CDH12: variants seen among roughly 807,000 people sequenced by gnomAD.
CDH12 encodes the protein cadherin 12, also known as cadherin-12.
A neutral mutation model predicts 74.1 loss-of-function variants in CDH12; 41 were observed. The ratio of observed to expected loss-of-function variants is 0.55; its 90% CI spans 0.43 to 0.72. The LOEUF is 0.72. Ranked by LOEUF, CDH12 falls within the 30% of genes least tolerant of loss-of-function variation. The pLI, the probability that CDH12 is intolerant of heterozygous loss-of-function variation, is 0.00. For missense variants in CDH12, 945 were observed against 977.2 expected (o/e 0.97, Z 0.44); for synonymous variants, 399 against 355.0 (o/e 1.12, Z -1.39).
chr5:21,776,426 T>C (rs1293334671), intron 11 of CDH12, among the ~76,000 whole-genome samples: 3 of 151,984 alleles, frequency 2.0e-5, no homozygotes, highest in Admixed American at 1.3e-4. Flanking sequence ...AAAGAGTAGG[T>C]TTTTCTTCTA....
intron 5 of CDH12, among the ~76,000 whole-genome samples, chr5:22,011,915 CA>C (rs201885524): frequency 0.024 from 3,690 of 152,034 alleles, 64 homozygotes; most frequent in Non-Finnish European, 0.034. Context: ...GATTGGAAAA[CA>C]AAGCTGTTTC....
intron 6 of CDH12, among the ~76,000 whole-genome samples, chr5:21,914,245 T>G (rs889680895): frequency 2.0e-5 from 3 of 152,186 alleles, no homozygotes; most frequent in Non-Finnish European, 4.4e-5. Flanking sequence ...ATATTTGCTA[T>G]TCATCTTCTA....
intron 6 of CDH12, chr5:21,883,739 T>G: frequency 6.3e-7 from 1 of 1,590,390 alleles, no homozygotes; most frequent in Non-Finnish European, 8.6e-7. Flanking sequence ...TCACAACTAG[T>G]GAATATGAAA....
chr5:22,009,939 CAAAAAAAAAA>C (rs774589642), intron 5 of CDH12, among the ~76,000 whole-genome samples: 3 of 54,344 alleles, frequency 5.5e-5, no homozygotes, highest in African/African-American at 1.7e-4. Flanking sequence ...GAAACTGTCT[CAAAAAAAAAA>C]AAAAAAAAAA....
At chr5:22,697,073 C>T (rs957416098) in intron 1 of CDH12, among the ~76,000 whole-genome samples, 1 of 152,152 alleles carries the variant, frequency 6.6e-6, no homozygotes, top group African/African-American at 2.4e-5. Context: ...CAGCGCATTT[C>T]ACTAGGGGAA....
chr5:22,447,198 A>AT lies in CDH12; in HGVS notation c.-427-41848dup, dbSNP rs565109094. On this transcript the variant is annotated intron_variant, in intron 2 of 14. Transcript: ENST00000382254. ...CCTATTAAGTTTCTCATGTATTAGC[A>AT]TTTTTTTATTCATAGACTACTTCAT... Among the ~76,000 whole-genome samples, 527 of 152,120 alleles carry AT rather than the reference A, an allele frequency of 3.5e-3. 1 individual carries two copies. The highest frequency in any genetic ancestry group is 6.9e-3 in the Admixed American group (106 of 15,252).
intron 5 of CDH12, among the ~76,000 whole-genome samples, chr5:22,021,839 A>T (rs1229855398): frequency 1.3e-5 from 2 of 151,960 alleles, no homozygotes. Context: ...TGTCCACATT[A>T]TTTATTTATT....
chr5:22,439,039 G>T (rs1744517767), intron 2 of CDH12, among the ~76,000 whole-genome samples: 1 of 151,830 alleles, frequency 6.6e-6, no homozygotes, highest in Admixed American at 6.6e-5. Context: ...GACATCGCTT[G>T]TGTCTATAAA....
chr5:22,779,958 T>A lies in CDH12; in HGVS notation c.-523+73100A>T, dbSNP rs577023810. The stretch of plus-strand genomic sequence containing the variant: ...CAGAATTTGGTTGATAGTACACATT[T>A]AATACATTTTAAATAAATTATGTAT... On this transcript the variant is annotated intron_variant, in intron 1 of 14. Transcript: ENST00000382254. Among the ~76,000 whole-genome samples the A allele has an allele frequency of 2.6e-5, 4 of 152,360 alleles. No individual in the cohort carries two copies. In the East Asian group the frequency reaches 7.7e-4, roughly 29 times the overall value.
At chr5:22,613,970 G>T (rs1737553677) in intron 1 of CDH12, among the ~76,000 whole-genome samples, 1 of 151,970 alleles carries the variant, frequency 6.6e-6, no homozygotes, top group Non-Finnish European at 1.5e-5. Flanking sequence ...AAAGTCTAAA[G>T]CAGACATATA....
intron 4 of CDH12, among the ~76,000 whole-genome samples, chr5:22,191,011 C>A (rs1580379792): frequency 6.6e-6 from 1 of 152,138 alleles, no homozygotes; most frequent in South Asian, 2.1e-4. Flanking sequence ...TTTTCCTTTC[C>A]TATTCCTGTC....
chr5:22,676,778 T>C (rs571005165), intron 1 of CDH12, among the ~76,000 whole-genome samples: 44 of 152,300 alleles, frequency 2.9e-4, no homozygotes, highest in African/African-American at 9.6e-4. Flanking sequence ...ACAGATTTAA[T>C]ATTTTTCTTT....
At position 22,056,867 on chromosome 5, in the gene CDH12, A is replaced by C. The variant is rs968034214; in HGVS notation, c.231+21579T>G. Among the ~76,000 whole-genome samples the C allele has an allele frequency of 1.6e-4, 24 of 152,246 alleles. 2 individuals are homozygous for C. The highest frequency in any genetic ancestry group is 1.4e-3 in the Admixed American group (21 of 15,282). On this transcript the variant is annotated intron_variant, in intron 5 of 14. Coordinates refer to ENST00000382254, the MANE Select transcript of CDH12 (RefSeq NM_004061.5). ...ATATTGAGGCAGTGAGTTTATTCCA[A>C]GCCGGAAAAGAGCCGACAATTCTTC...
chr5:22,580,427 C>G, intron 1 of CDH12: 1 of 508,804 alleles, frequency 2.0e-6, no homozygotes. Context: ...AAACATCACC[C>G]TCCAAGTACT....
rs138991445 is a variant in CDH12 at position 22,380,141 on chromosome 5, A to G, written c.-333+25116T>C. On this transcript the variant is annotated intron_variant, in intron 3 of 14. Coordinates refer to ENST00000382254, the MANE Select transcript of CDH12 (RefSeq NM_004061.5). ...AAGGTAGTTTAGGCGTATTCTGAAC[A>G]AAGAAAAAGAAAGGAGGGTAAACTT... Among the ~76,000 whole-genome samples, 408 of 152,338 alleles carry G rather than the reference A, an allele frequency of 2.7e-3. 2 individuals are homozygous for G. Among genetic ancestry groups the G allele is most frequent in the Non-Finnish European group, 4.6e-3 (311 of 68,036 alleles).
Position 22,103,690 on chromosome 5 carries a change from G to A in CDH12, c.-186-24828C>T, listed in dbSNP as rs568447294. Reference sequence around the variant, plus strand: ...ATGTGTGTAATTCTAGGCTTTCAAAGTCACTCATTCTGAATTGAAGGTTAT... The same window carrying A: ...ATGTGTGTAATTCTAGGCTTTCAAAATCACTCATTCTGAATTGAAGGTTAT... On this transcript the variant is annotated intron_variant, in intron 4 of 14. Transcript: ENST00000382254. Among the ~76,000 whole-genome samples, 10 of 152,288 alleles carry A rather than the reference G, an allele frequency of 6.6e-5. No homozygotes were observed. The East Asian group carries it at 7.7e-4, about 12-fold the overall frequency.
intron 1 of CDH12, among the ~76,000 whole-genome samples, chr5:22,635,947 C>T (rs1230024366): frequency 1.3e-5 from 2 of 151,446 alleles, no homozygotes; most frequent in African/African-American, 4.9e-5. Flanking sequence ...AAAATTCCAA[C>T]TCAATAATAA....
intron 1 of CDH12, among the ~76,000 whole-genome samples, chr5:22,801,139 T>C (rs1228223394): frequency 1.3e-5 from 2 of 152,204 alleles, no homozygotes; most frequent in East Asian, 3.9e-4. Context: ...AAAGTGGCTA[T>C]ACCATTTCGC....
intron 3 of CDH12, among the ~76,000 whole-genome samples, chr5:22,367,427 A>T (rs1239902458): frequency 6.6e-6 from 1 of 152,136 alleles, no homozygotes; most frequent in Non-Finnish European, 1.5e-5. Context: ...ATAATCCCCC[A>T]TTTGTGTTTC....
Sources: gnomAD v4.1 joint callset for allele counts (sites outside exome capture counted in the v4.1 genomes callset) on GRCh38, gnomAD v4.1.1 for gene constraint, MANE v1.5 for transcripts, NCBI Gene and HGNC (gene_info 2026-07-23, HGNC 2026-07-21) for gene names.